The following TBC1D12 variants were observed in gnomAD, a reference collection of about 807,000 sequenced individuals.
TBC1D12 encodes TBC1 domain family member 12.
Under a neutral mutation model 86.7 loss-of-function variants are expected in TBC1D12, and 56 were observed. The observed-to-expected ratio is 0.65, with a 90% CI of 0.52 to 0.81. The LOEUF (loss-of-function observed/expected upper bound fraction) is 0.81. Ranked by LOEUF, TBC1D12 falls within the 30% of genes least tolerant of loss-of-function variation. The pLI, the probability that TBC1D12 is intolerant of heterozygous loss-of-function variation, is 0.00. For synonymous variants in TBC1D12, 421 were observed against 411.7 expected (o/e 1.02, Z -0.27); for missense variants, 1,023 against 1,038.8 (o/e 0.98, Z 0.21).
chr10:94,515,514 A>AT (rs1283227719), intron 9 of TBC1D12, among the ~76,000 whole-genome samples: 1 of 151,432 alleles, frequency 6.6e-6, no homozygotes, highest in East Asian at 2.0e-4. Context: ...TGCCCAGCTG[A>AT]TTTTTTGTAT....
intron 1 of TBC1D12, among the ~76,000 whole-genome samples, chr10:94,440,171 C>CTTTCTTTTTTTT (rs2055358879): frequency 6.6e-6 from 1 of 151,362 alleles, no homozygotes; most frequent in African/African-American, 2.4e-5. Flanking sequence ...TTTCCTTTTC[C>CTTTCTTTTTTTT]TTTCTTTTTT....
Position 94,517,951 on chromosome 10 carries a change from G to A in TBC1D12, c.1762-4004G>A, listed in dbSNP as rs1039255175. Among the ~76,000 whole-genome samples the A allele has an allele frequency of 7.2e-5, 11 of 152,202 alleles. No homozygotes were observed. The South Asian group carries it at 1.0e-3, about 14-fold the overall frequency. ...GTGGATCACCTGAGGTCAGTAGTTC[G>A]AGACCAGCCTGGCCAACGTGGCGAA... On this transcript the variant is annotated intron_variant, in intron 9 of 12. Transcript: ENST00000225235.
rs1235872405 is a variant in TBC1D12 at position 94,403,471 on chromosome 10, C to G, written c.858C>G (p.Arg286=). 1.3e-6 allele frequency: 2 copies of G among 1,542,512 alleles called. No individual in the cohort carries two copies. Among genetic ancestry groups the G allele is most frequent in the Non-Finnish European group, 8.7e-7 (1 of 1,144,898 alleles). ...TFQVSRGQSA[R]DHLPPAGPPV... is the part of the protein sequence containing the mutation. ...AGGTGAGCCGCGGTCAGAGCGCCCG[C>G]GATCACCTGCCCCCGGCGGGGCCGC... Residue 286 remains arginine (R), a synonymous_variant, in exon 1 of 13, where the codon CGC becomes CGG. Coordinates refer to ENST00000225235, the MANE Select transcript of TBC1D12 (RefSeq NM_015188.2).
chr10:94,448,666 A>G (rs2055506497), intron 2 of TBC1D12, among the ~76,000 whole-genome samples: 1 of 151,734 alleles, frequency 6.6e-6, no homozygotes, highest in Non-Finnish European at 1.5e-5. Context: ...TTTAGTAGAG[A>G]CAGGGTCTCA....
chr10:94,414,662 C>T (rs563705200), intron 1 of TBC1D12, among the ~76,000 whole-genome samples: 1 of 145,802 alleles, frequency 6.9e-6, no homozygotes, highest in Admixed American at 6.9e-5. Context: ...TACAGTGGTG[C>T]GATCTCGGCT....
intron 12 of TBC1D12, 48 bp from the exon 13 acceptor site, chr10:94,532,980 C>G: frequency 3.8e-6 from 4 of 1,058,674 alleles, no homozygotes; most frequent in East Asian, 2.6e-5. Flanking sequence ...TCTCTTTAAT[C>G]TGGGTGGTAG....
chr10:94,513,327 A>G (rs2056548556), intron 9 of TBC1D12, among the ~76,000 whole-genome samples: 1 of 151,932 alleles, frequency 6.6e-6, no homozygotes, highest in East Asian at 1.9e-4. Context: ...AGGTTGAGGC[A>G]GGAAGATCGC....
At chr10:94,451,323 CAAA>C (rs774910639) in intron 2 of TBC1D12, among the ~76,000 whole-genome samples, 1 of 151,660 alleles carries the variant, frequency 6.6e-6, no homozygotes, top group Non-Finnish European at 1.5e-5. Flanking sequence ...GTAAATTAAA[CAAA>C]AAATCTTAAA....
In TBC1D12 at chr10:94,518,020, G is replaced by C. The variant is rs574173756; in HGVS notation, c.1762-3935G>C. Among the ~76,000 whole-genome samples, 4 of 152,016 alleles carry C rather than the reference G, an allele frequency of 2.6e-5. No homozygotes were observed. The South Asian group carries it at 6.2e-4, about 24-fold the overall frequency. ...ATACAAAAATTAGCCAGGTGTGGTG[G>C]CATAGGCCTGTAATTCGAGCTACTC... On this transcript the variant is annotated intron_variant, in intron 9 of 12. Transcript: ENST00000225235.
intron 2 of TBC1D12, among the ~76,000 whole-genome samples, chr10:94,452,035 G>A (rs1487280068): frequency 6.6e-6 from 1 of 150,808 alleles, no homozygotes; most frequent in Admixed American, 6.6e-5. Context: ...TTCTGGATTA[G>A]ATCTGCATAT....
intron 2 of TBC1D12, among the ~76,000 whole-genome samples, chr10:94,455,479 A>C (rs1447283901): frequency 6.6e-6 from 1 of 152,178 alleles, no homozygotes; most frequent in African/African-American, 2.4e-5. Flanking sequence ...TTTCTTCCTT[A>C]AATGTTTGGT....
intron 3 of TBC1D12, among the ~76,000 whole-genome samples, chr10:94,474,989 T>C (rs2055967352): frequency 6.6e-6 from 1 of 152,144 alleles, no homozygotes; most frequent in Non-Finnish European, 1.5e-5. Flanking sequence ...GGTCTTGCTA[T>C]GTTGCCCAGG....
At chr10:94,472,366 G>A (rs770912267) in intron 2 of TBC1D12, among the ~76,000 whole-genome samples, 8 of 152,204 alleles carry the variant, frequency 5.3e-5, no homozygotes, top group Non-Finnish European at 8.8e-5. Flanking sequence ...CAGCAAATGA[G>A]TATACATCTT....
Position 94,471,073 on chromosome 10 carries a change from C to T in TBC1D12, c.1096-3595C>T, listed in dbSNP as rs546884993. Among the ~76,000 whole-genome samples the T allele has an allele frequency of 1.6e-3, 240 of 152,048 alleles. 1 individual carries two copies. Among genetic ancestry groups the T allele is most frequent in the Non-Finnish European group, 2.8e-3 (190 of 67,986 alleles). On this transcript the variant is annotated intron_variant, in intron 2 of 12. Coordinates refer to ENST00000225235, the MANE Select transcript of TBC1D12 (RefSeq NM_015188.2). ...GGTGGATCATCTGAGGTCAGGGGTT[C>T]GAGGCCAGCCTGGCCAGCATGGTGA...
At chr10:94,439,225 C>G (rs1050134628) in intron 1 of TBC1D12, among the ~76,000 whole-genome samples, 3 of 152,134 alleles carry the variant, frequency 2.0e-5, no homozygotes, top group African/African-American at 7.2e-5. Context: ...TTTAGTTAAG[C>G]CCAGTTCATC....
intron 11 of TBC1D12, among the ~76,000 whole-genome samples, chr10:94,529,641 A>AT (rs1842376685): frequency 6.6e-6 from 1 of 152,116 alleles, no homozygotes; most frequent in Admixed American, 6.5e-5. Context: ...TTTTCAATGT[A>AT]TTCTCTTCCC....
chr10:94,408,964 T>A (rs2054892153), intron 1 of TBC1D12, among the ~76,000 whole-genome samples: 1 of 152,196 alleles, frequency 6.6e-6, no homozygotes, highest in African/African-American at 2.4e-5. Context: ...TGTTTAAAAT[T>A]TTAGGAAAAC....
At chr10:94,499,336 G>A (rs1418149342) in intron 5 of TBC1D12, among the ~76,000 whole-genome samples, 1 of 151,692 alleles carries the variant, frequency 6.6e-6, no homozygotes, top group Admixed American at 6.6e-5. Flanking sequence ...CCCGCTCCCC[G>A]GCCATAACCA....
intron 11 of TBC1D12, among the ~76,000 whole-genome samples, chr10:94,522,816 T>C (rs1373674226): frequency 1.3e-5 from 2 of 151,814 alleles, no homozygotes; most frequent in Non-Finnish European, 2.9e-5. Context: ...AGCACTTTGG[T>C]GGGTGGATCA....
Sources: gnomAD v4.1 joint callset for allele counts (sites outside exome capture counted in the v4.1 genomes callset) on GRCh38, gnomAD v4.1.1 for gene constraint, MANE v1.5 for transcripts, NCBI Gene and HGNC (gene_info 2026-07-23, HGNC 2026-07-21) for gene names.